MMRN1: variants seen among roughly 807,000 people sequenced by gnomAD.
MMRN1 encodes multimerin-1.
Under a neutral mutation model 100.7 loss-of-function variants are expected in MMRN1, and 94 were observed. The observed-to-expected ratio is 0.93, with a 90% CI of 0.79 to 1.11. MMRN1 has a LOEUF of 1.11. Ranked by LOEUF, MMRN1 falls within the 50% of genes least tolerant of loss-of-function variation. MMRN1 has a pLI of 0.00. For missense variants in MMRN1, 1,606 were observed against 1,439.1 expected, an observed-to-expected ratio of 1.12 and a Z score of -1.88; for synonymous variants, 575 against 505.0, an observed-to-expected ratio of 1.14 and a Z score of -1.86.
At chr4:89,887,195 A>C (rs1184296947) in intron 1 of MMRN1, among the ~76,000 whole-genome samples, 1 of 152,106 alleles carries the variant, frequency 6.6e-6, no homozygotes, top group African/African-American at 2.4e-5. Flanking sequence ...ATGGATTCAA[A>C]GGATCAATAT....
chr4:89,895,606 TC>T lies in MMRN1; in HGVS notation c.623+13del. ...ACAACTAGAGGAAAGTAAGAAATCT[TC>T]TTTTCTTTTTGTTCTTTCTCTGTCT... is the stretch of plus-strand genomic sequence containing the variant. On this transcript the variant is annotated intron_variant, in intron 1 of 7. Transcript: ENST00000264790. 2 of 1,607,762 alleles carry T rather than the reference TC, an allele frequency of 1.2e-6. No individual in the cohort carries two copies. The highest frequency in any genetic ancestry group is 1.7e-6 in the Non-Finnish European group (2 of 1,176,610).
chr4:89,894,712 ATTTACCCTT>A (rs751053308), upstream of MMRN1: 11,037 of 348,610 alleles, frequency 0.032, 232 homozygotes, highest in Non-Finnish European at 0.044. Flanking sequence ...GTGCTTTCCC[ATTTACCCTT>A]AGCTTTGTCA....
rs1200673731 is a variant in MMRN1 at position 89,909,151 on chromosome 4, G to A, written c.624-125G>A. On this transcript the variant is annotated intron_variant, in intron 1 of 7. Coordinates refer to ENST00000264790, the MANE Select transcript of MMRN1 (RefSeq NM_007351.3). ...TATTTAAATATTTTAAAGCTAAATAGCAATCTTACAAGGTTTCTGATCTAT... is the reference window on the plus strand; with the variant it reads ...TATTTAAATATTTTAAAGCTAAATAACAATCTTACAAGGTTTCTGATCTAT... The A allele has an allele frequency of 6.6e-6, 6 of 903,790 alleles. No individual in the cohort carries two copies. In the African/African-American group the frequency reaches 6.8e-5, roughly 10 times the overall value. The allele number at this position is 903,790 out of a possible 1,614,324, so 56.0% of individuals were successfully genotyped here.
rs1313627604 is a variant in MMRN1, at chr4:89,953,045, C to T, written c.3314C>T (p.Ala1105Val). 4 of 1,608,476 alleles carry T rather than the reference C, an allele frequency of 2.5e-6. No individual in the cohort carries two copies. Among genetic ancestry groups the T allele is most frequent in the African/African-American group, 1.3e-5 (1 of 74,596 alleles). The change falls in exon 8 of 8, where the codon GCA (alanine) becomes GTA (valine). Residue 1105 changes from alanine to valine, a missense_variant. By Grantham distance (64) the Ala-to-Val change is moderately conservative. Transcript: ENST00000264790. Reference sequence around the variant, plus strand: ...TATGCACCCATGGTGGCATTTTTTGCATCTCATACGTATGGAATGACTATA... The same window carrying T: ...TATGCACCCATGGTGGCATTTTTTGTATCTCATACGTATGGAATGACTATA... Reference protein sequence around the residue: ...YRYAPMVAFFASHTYGMTIPG... With the variant: ...YRYAPMVAFFVSHTYGMTIPG...
At chr4:89,880,657 G>A (rs543676685) in intron 1 of MMRN1, among the ~76,000 whole-genome samples, 1 of 152,108 alleles carries the variant, frequency 6.6e-6, no homozygotes, top group African/African-American at 2.4e-5. Flanking sequence ...GGACATTTAA[G>A]AATTGATAAA....
intron 3 of MMRN1, among the ~76,000 whole-genome samples, chr4:89,914,674 GTTTTGCCTTTAGAA>G (rs1388069866): frequency 6.6e-6 from 1 of 151,354 alleles, no homozygotes; most frequent in Non-Finnish European, 1.5e-5. Flanking sequence ...TTGCACAAGG[GTTTTGCCTTTAGAA>G]AGGACCTAAT....
intron 3 of MMRN1, among the ~76,000 whole-genome samples, chr4:89,916,375 AAC>A (rs772919616): frequency 4.3e-5 from 6 of 140,788 alleles, no homozygotes; most frequent in South Asian, 2.2e-4. Flanking sequence ...AAAAAAAAAA[AAC>A]AAACAAACAA....
intron 3 of MMRN1, among the ~76,000 whole-genome samples, chr4:89,922,781 G>A (rs1210880460): frequency 1.3e-5 from 2 of 152,056 alleles, no homozygotes; most frequent in Non-Finnish European, 2.9e-5. Flanking sequence ...GAATTGCCTT[G>A]TTAAACAATC....
At chr4:89,900,468 T>A (rs1184107245) in intron 1 of MMRN1, among the ~76,000 whole-genome samples, 1 of 152,142 alleles carries the variant, frequency 6.6e-6, no homozygotes, top group East Asian at 1.9e-4. Context: ...GGACCTTCTC[T>A]TACCACCCAA....
At position 89,895,000 on chromosome 4, in the gene MMRN1, T is replaced by C. The variant is rs1307528496; in HGVS notation, c.29T>C (p.Leu10Pro). The change falls in exon 1 of 8, where the codon CTT becomes CCT. Residue 10 changes from leucine to proline, a missense_variant. Coordinates refer to ENST00000264790, the MANE Select transcript of MMRN1 (RefSeq NM_007351.3). The part of the protein sequence containing the change: MKGARLFVL[L>P]SSLWSGGIGL... ...AAGGGGGCAAGATTATTTGTCCTTCTTTCTAGTTTATGGAGTGGGGGCATT... is the reference window on the plus strand; with the variant it reads ...AAGGGGGCAAGATTATTTGTCCTTCCTTCTAGTTTATGGAGTGGGGGCATT... The C allele has an allele frequency of 6.2e-7, 1 of 1,612,680 alleles. No homozygotes were observed. Among genetic ancestry groups the C allele is most frequent in the Non-Finnish European group, 8.5e-7 (1 of 1,179,172 alleles).
At chr4:89,884,168 A>G (rs181682786) in intron 1 of MMRN1, among the ~76,000 whole-genome samples, 1 of 151,948 alleles carries the variant, frequency 6.6e-6, no homozygotes, top group African/African-American at 2.4e-5. Flanking sequence ...TTTTTGGAAA[A>G]TTGTTTGAGT....
chr4:89,926,687 C>T (rs923343834), intron 4 of MMRN1, among the ~76,000 whole-genome samples: 1 of 152,044 alleles, frequency 6.6e-6, no homozygotes, highest in Admixed American at 6.6e-5. Context: ...TGGGGTATTA[C>T]TCAAGAAATT....
intron 1 of MMRN1, among the ~76,000 whole-genome samples, chr4:89,881,963 A>G (rs1338610749): frequency 6.6e-6 from 1 of 151,946 alleles, no homozygotes; most frequent in African/African-American, 2.4e-5. Context: ...TCTATACCTT[A>G]AATTTATTAC....
At chr4:89,908,141 C>T (rs1332459319) in intron 1 of MMRN1, among the ~76,000 whole-genome samples, 2 of 151,158 alleles carry the variant, frequency 1.3e-5, no homozygotes, top group Non-Finnish European at 3.0e-5. Context: ...TTCTGGAATC[C>T]ATCCTTCTGT....
At chr4:89,880,705 T>A (rs1038057629) in intron 1 of MMRN1, among the ~76,000 whole-genome samples, 10 of 152,162 alleles carry the variant, frequency 6.6e-5, no homozygotes, top group Non-Finnish European at 1.5e-4. Context: ...CTCTCCTTTT[T>A]ACCAATATCT....
chr4:89,952,875 A>G, intron 7 of MMRN1, 122 bp from the exon 8 acceptor site: 1 of 921,044 alleles, frequency 1.1e-6, no homozygotes, highest in Non-Finnish European at 1.6e-6. Flanking sequence ...GCTAAGTTTG[A>G]TGGATGGCCT....
chr4:89,905,509 A>G (rs1721539197), intron 1 of MMRN1, among the ~76,000 whole-genome samples: 1 of 151,540 alleles, frequency 6.6e-6, no homozygotes. Flanking sequence ...AGAAATGGAC[A>G]TTTGAGATCT....
At chr4:89,913,785 T>C (rs1340494570) in intron 3 of MMRN1, among the ~76,000 whole-genome samples, 1 of 151,358 alleles carries the variant, frequency 6.6e-6, no homozygotes, top group Non-Finnish European at 1.5e-5. Flanking sequence ...TCTGTCATAA[T>C]AGTGTAATTG....
chr4:89,912,348 A>G (rs1721781619), intron 3 of MMRN1, among the ~76,000 whole-genome samples: 1 of 151,318 alleles, frequency 6.6e-6, no homozygotes, highest in Admixed American at 6.6e-5. Context: ...CCTTATTAAA[A>G]TATCAGGAAT....
Sources: gnomAD v4.1 joint callset for allele counts (sites outside exome capture counted in the v4.1 genomes callset) on GRCh38, gnomAD v4.1.1 for gene constraint, MANE v1.5 for transcripts, NCBI Gene and HGNC (gene_info 2026-07-23, HGNC 2026-07-21) for gene names.